The following ANKRD11 variants were observed in gnomAD, a reference collection of about 807,000 sequenced individuals.
ANKRD11 encodes ankyrin repeat domain-containing protein 11.
A neutral mutation model predicts 195.7 loss-of-function variants in ANKRD11; 17 were observed. The ratio of observed to expected loss-of-function variants is 0.09; its 90% CI spans 0.06 to 0.13. The LOEUF is 0.13. Among genes scored for constraint, ANKRD11 ranks in the 10% least tolerant of loss-of-function variants. The pLI is 1.00. For missense variants in ANKRD11, 3,735 were observed against 3,566.1 expected (o/e 1.05, Z -1.21); for synonymous variants, 1,953 against 1,528.1 (o/e 1.28, Z -6.49).
At chr16:89,379,644 T>C (rs2040561950) in intron 2 of ANKRD11, among the ~76,000 whole-genome samples, 1 of 152,146 alleles carries the variant, frequency 6.6e-6, no homozygotes, top group African/African-American at 2.4e-5. Flanking sequence ...CCACCACTGC[T>C]CTCTGCCTCC....
chr16:89,374,425 T>C (rs1230259607), intron 2 of ANKRD11, among the ~76,000 whole-genome samples: 2 of 151,958 alleles, frequency 1.3e-5, no homozygotes, highest in African/African-American at 2.4e-5. Flanking sequence ...AGCTGAACGA[T>C]ACAACAGGAA....
chr16:89,485,460 C>G (rs1176617461), intron 1 of ANKRD11, among the ~76,000 whole-genome samples: 1 of 152,146 alleles, frequency 6.6e-6, no homozygotes, highest in Non-Finnish European at 1.5e-5. Context: ...TGCCACTGCA[C>G]TCCAGCCTAG....
At chr16:89,274,722 C>G in intron 11 of ANKRD11, 92 bp downstream of exon 11, 1 of 1,577,504 alleles carries the variant, frequency 6.3e-7, no homozygotes, top group Non-Finnish European at 8.6e-7. Context: ...CCGGGAAGCT[C>G]CTGGTCAAAG....
intron 2 of ANKRD11, among the ~76,000 whole-genome samples, chr16:89,387,302 T>G (rs879461416): frequency 6.6e-6 from 1 of 151,524 alleles, no homozygotes; most frequent in Non-Finnish European, 1.5e-5. Flanking sequence ...AGGAAGGGGC[T>G]GCGTCTGTGG....
chr16:89,322,401 C>T (rs1236672087), intron 2 of ANKRD11, among the ~76,000 whole-genome samples: 1 of 152,236 alleles, frequency 6.6e-6, no homozygotes, highest in Non-Finnish European at 1.5e-5. Flanking sequence ...CTCCACCAAC[C>T]ACTAGTTTGT....
At chr16:89,427,417 T>C (rs2042760590) in intron 1 of ANKRD11, among the ~76,000 whole-genome samples, 2 of 152,196 alleles carry the variant, frequency 1.3e-5, no homozygotes, top group African/African-American at 4.8e-5. Context: ...AAAATCTAGA[T>C]GGAATTGTAA....
rs1440898638 is a variant in ANKRD11 at position 89,270,909 on chromosome 16, C to T, written c.7714G>A (p.Gly2572Ser). ...EVYNMPLESQ[G>S]DENKSVRDRF... ...TCGCGCACTGACTTGTTCTCGTCAC[C>T]CTGTGGAAACCAAACACGGGAGTTT... The change falls in exon 12 of 13, where the codon GGT (glycine) becomes AGT (serine). Residue 2572 changes from glycine (G) to serine (S), a missense_variant and splice_region_variant. Coordinates refer to ENST00000301030, the MANE Select transcript of ANKRD11 (RefSeq NM_013275.6). The T allele has an allele frequency of 1.2e-6, 2 of 1,613,998 alleles. No individual in the cohort carries two copies. Among genetic ancestry groups the T allele is most frequent in the Non-Finnish European group, 8.5e-7 (1 of 1,179,982 alleles).
At chr16:89,423,183 G>C (rs2042582289) in intron 1 of ANKRD11, among the ~76,000 whole-genome samples, 1 of 152,072 alleles carries the variant, frequency 6.6e-6, no homozygotes, top group African/African-American at 2.4e-5. Context: ...GCAAAGACAG[G>C]TCCCTACACT....
At chr16:89,349,449 C>T (rs1597739156) in intron 2 of ANKRD11, among the ~76,000 whole-genome samples, 1 of 152,194 alleles carries the variant, frequency 6.6e-6, no homozygotes, top group South Asian at 2.1e-4. Flanking sequence ...CACTGCACTC[C>T]AGCCTGGGCG....
intron 2 of ANKRD11, among the ~76,000 whole-genome samples, chr16:89,342,639 A>G (rs1035959926): frequency 2.0e-5 from 3 of 152,238 alleles, no homozygotes; most frequent in African/African-American, 7.2e-5. Context: ...TAAATCCCCA[A>G]GTATGAGCTG....
intron 9 of ANKRD11, chr16:89,277,729 GCAGAGCT>G (rs2033778486): frequency 6.6e-6 from 1 of 152,386 alleles, no homozygotes; most frequent in African/African-American, 2.4e-5. Context: ...CTCCCTGGGA[GCAGAGCT>G]CAGAGCTTGG....
At chr16:89,383,461 A>C (rs1396236503) in intron 2 of ANKRD11, among the ~76,000 whole-genome samples, 1 of 152,152 alleles carries the variant, frequency 6.6e-6, no homozygotes, top group African/African-American at 2.4e-5. Context: ...ACCCTCCCTG[A>C]TGGGCTCATT....
intron 1 of ANKRD11, among the ~76,000 whole-genome samples, chr16:89,452,498 C>CT (rs368879484): frequency 1.1e-3 from 165 of 151,704 alleles, no homozygotes; most frequent in African/African-American, 3.5e-3. Context: ...CAGCTGTTTA[C>CT]TTTTTTTTTA....
intron 9 of ANKRD11, chr16:89,277,473 AT>A (rs1251574395): frequency 6.6e-6 from 1 of 152,214 alleles, no homozygotes; most frequent in Non-Finnish European, 1.5e-5. Flanking sequence ...TATTTTCCAA[AT>A]TTTCTACAGC....
At chr16:89,404,295 T>C (rs566368274) in intron 2 of ANKRD11, among the ~76,000 whole-genome samples, 32 of 152,198 alleles carry the variant, frequency 2.1e-4, no homozygotes, top group South Asian at 6.2e-4. Flanking sequence ...GCAAAGACTC[T>C]GAGAACATCA....
At position 89,268,625 on chromosome 16, in the gene ANKRD11, G is replaced by A. The variant is rs2032839293; in HGVS notation, c.7845C>T (p.Ala2615=). The A allele has an allele frequency of 1.9e-6, 3 of 1,569,302 alleles. No homozygotes were observed. The highest frequency in any genetic ancestry group is 1.2e-5 in the South Asian group (1 of 85,504). Residue 2615 remains alanine, a synonymous_variant, in exon 13 of 13, where the codon GCC becomes GCT. Coordinates refer to ENST00000301030, the MANE Select transcript of ANKRD11 (RefSeq NM_013275.6). The part of the protein sequence containing the change: ...LLMRQQHEAA[A]LNAVQRMEWQ... Reference sequence around the variant, plus strand: ...ACTCCATCCTCTGCACGGCGTTCAGGGCCGCGGCCTCGTGCTGCTGCCGCA... The same window carrying A: ...ACTCCATCCTCTGCACGGCGTTCAGAGCCGCGGCCTCGTGCTGCTGCCGCA...
rs756532411 is a variant in ANKRD11 at position 89,282,167 on chromosome 16, TCTC to T, written c.4372_4374del (p.Glu1458del). ...TCCCTGTGTTTCTCTCTCTTCTTCTTCTCTTTTAGGATGTTGATGGCACTAGAT... is the reference window on the plus strand; with the variant it reads ...TCCCTGTGTTTCTCTCTCTTCTTCTTTTTTAGGATGTTGATGGCACTAGAT... On this transcript the variant is annotated inframe_deletion, in exon 9 of 13. Transcript: ENST00000301030. The T allele has an allele frequency of 4.3e-6, 7 of 1,614,008 alleles. No individual in the cohort carries two copies. The highest frequency in any genetic ancestry group is 5.9e-6 in the Non-Finnish European group (7 of 1,180,016).
intron 2 of ANKRD11, among the ~76,000 whole-genome samples, chr16:89,356,072 C>T (rs891753463): frequency 1.3e-5 from 2 of 152,208 alleles, no homozygotes; most frequent in African/African-American, 4.8e-5. Flanking sequence ...TGGAGTGAGA[C>T]TTGTCTCAAA....
intron 5 of ANKRD11, 30 bp from the exon 6 acceptor site, chr16:89,290,858 T>A: frequency 6.2e-7 from 1 of 1,612,226 alleles, no homozygotes; most frequent in Non-Finnish European, 8.5e-7. Context: ...CAGATGGGCA[T>A]TACTGTGGGG....
Sources: gnomAD v4.1 joint callset for allele counts (sites outside exome capture counted in the v4.1 genomes callset) on GRCh38, gnomAD v4.1.1 for gene constraint, MANE v1.5 for transcripts, NCBI Gene and HGNC (gene_info 2026-07-23, HGNC 2026-07-21) for gene names.